The following ERVFRD-1 variants were observed in gnomAD, a reference collection of about 807,000 sequenced individuals.
The protein encoded by ERVFRD-1 is syncytin-2.
Under a neutral mutation model 43.8 loss-of-function variants are expected in ERVFRD-1, and 33 were observed. The ratio of observed to expected loss-of-function variants is 0.75; its 90% CI spans 0.57 to 1.01. The LOEUF is 1.01. ERVFRD-1 is among the 50% of genes least tolerant of loss of function. The pLI is 0.00. For synonymous variants in ERVFRD-1, 239 were observed against 244.4 expected, an observed-to-expected ratio of 0.98 and a Z score of 0.21; for missense variants, 568 against 658.4, an observed-to-expected ratio of 0.86 and a Z score of 1.50.
chr6:11,103,497 G>A lies in ERVFRD-1; in HGVS notation c.*197C>T, dbSNP rs555394480. Reference sequence around the variant, plus strand: ...GACCCAATTATCTGGGAAAATGGACGAAGGTCAGTCTTCTTTAACTGCTTC... The same window carrying A: ...GACCCAATTATCTGGGAAAATGGACAAAGGTCAGTCTTCTTTAACTGCTTC... On this transcript the variant is annotated 3_prime_UTR_variant, in exon 2 of 2. Transcript: ENST00000472091. 9.5e-6 allele frequency: 7 copies of A among 738,150 alleles called. No homozygotes were observed. The highest frequency in any genetic ancestry group is 3.2e-5 in the South Asian group (1 of 30,834). The allele number at this position is 738,150 out of a possible 1,614,324, so 45.7% of individuals were successfully genotyped here.
Position 11,103,305 on chromosome 6 carries a change from G to A in ERVFRD-1, c.*389C>T, listed in dbSNP as rs191248503. 59 of 182,014 alleles carry A rather than the reference G, an allele frequency of 3.2e-4. No homozygotes were observed. The highest frequency in any genetic ancestry group is 1.4e-3 in the African/African-American group (58 of 42,532). 11.3% of individuals were successfully genotyped at this position (182,014 alleles called of 1,614,324 possible). On this transcript the variant is annotated 3_prime_UTR_variant, in exon 2 of 2. Transcript: ENST00000472091. Reference sequence around the variant, plus strand: ...GTTTCCTATCTATTGGGAGGCCATCGTTCCCTGGCGCCAGCTGCCACTCAT... The same window carrying A: ...GTTTCCTATCTATTGGGAGGCCATCATTCCCTGGCGCCAGCTGCCACTCAT...
Position 11,104,811 on chromosome 6 carries a change from C to T in ERVFRD-1, c.500G>A (p.Arg167His), listed in dbSNP as rs140934168. 12 of 1,614,060 alleles carry T rather than the reference C, an allele frequency of 7.4e-6. No homozygotes were observed. Among genetic ancestry groups the T allele is most frequent in the Non-Finnish European group, 9.3e-6 (11 of 1,180,006 alleles). Residue 167 changes from arginine to histidine, a missense_variant, in exon 2 of 2, where the codon CGC (arginine) becomes CAC (histidine). Coordinates refer to ENST00000472091, the MANE Select transcript of ERVFRD-1 (RefSeq NM_207582.3). ...TYQTYTHNQF[R>H]HQPRFPKPPN... Reference sequence around the variant, plus strand: ...AGGTTTGGGGAATCTTGGTTGATGGCGGAATTGGTTGTGGGTGTATGTTTG... The same window carrying T: ...AGGTTTGGGGAATCTTGGTTGATGGTGGAATTGGTTGTGGGTGTATGTTTG...
intron 1 of ERVFRD-1, among the ~76,000 whole-genome samples, chr6:11,107,813 C>T (rs1758109296): frequency 6.6e-6 from 1 of 152,024 alleles, no homozygotes; most frequent in South Asian, 2.1e-4. Flanking sequence ...ATTAATAATC[C>T]ATGTTTTTGA....
intron 1 of ERVFRD-1, among the ~76,000 whole-genome samples, chr6:11,107,281 G>C (rs1263958720): frequency 6.6e-6 from 1 of 152,208 alleles, no homozygotes; most frequent in African/African-American, 2.4e-5. Context: ...TGTTACCTAT[G>C]GGTTTTCTAA....
chr6:11,107,209 G>A lies in ERVFRD-1; in HGVS notation c.-320-1579C>T, dbSNP rs183053593. Among the ~76,000 whole-genome samples the A allele has an allele frequency of 2.7e-3, 415 of 152,332 alleles. 2 individuals carry two copies. The highest frequency in any genetic ancestry group is 4.8e-3 in the Non-Finnish European group (328 of 68,024). ...TTAAGTATCTCACAACACAAATGTG[G>A]TGTTATGGTCTCCTGGTAGTGGCAG... On this transcript the variant is annotated intron_variant, in intron 1 of 1. Transcript: ENST00000472091.
rs976238949 is a variant in ERVFRD-1 at position 11,104,265 on chromosome 6, C to G, written c.1046G>C (p.Arg349Thr). The G allele has an allele frequency of 1.6e-5, 25 of 1,551,680 alleles. No homozygotes were observed. In the African/African-American group the frequency reaches 2.2e-4, roughly 14 times the overall value. Residue 349 changes from arginine to threonine, a missense_variant, in exon 2 of 2, where the codon AGG becomes ACG. By Grantham distance (71) the Arg-to-Thr change is moderately conservative. Coordinates refer to ENST00000472091, the MANE Select transcript of ERVFRD-1 (RefSeq NM_207582.3). ...IYGNSPLPRV[R>T]RAIHFIPLLA... ...AAGGGGAATGAAATGGATTGCCCTC[C>G]TCACCCTGGGCAACGGGGAATTCCC...
intron 1 of ERVFRD-1, among the ~76,000 whole-genome samples, chr6:11,111,169 C>T (rs576271868): frequency 1.3e-5 from 2 of 152,170 alleles, no homozygotes; most frequent in Non-Finnish European, 2.9e-5. Context: ...GCAAGAGCTG[C>T]GGGTGCATGA....
intron 1 of ERVFRD-1, among the ~76,000 whole-genome samples, chr6:11,111,081 C>T (rs941193750): frequency 3.9e-5 from 6 of 152,190 alleles, no homozygotes; most frequent in East Asian, 1.9e-4. Context: ...GGAGGTCATC[C>T]GAGCTGGTAG....
intron 1 of ERVFRD-1, among the ~76,000 whole-genome samples, chr6:11,108,162 G>A (rs1181021287): frequency 6.6e-6 from 1 of 152,136 alleles, no homozygotes; most frequent in Non-Finnish European, 1.5e-5. Context: ...GAGAAAAGAC[G>A]GTTTTCCCCC....
At chr6:11,110,627 C>A (rs1758152598) in intron 1 of ERVFRD-1, among the ~76,000 whole-genome samples, 2 of 152,116 alleles carry the variant, frequency 1.3e-5, no homozygotes, top group South Asian at 4.1e-4. Flanking sequence ...GGGTAACATG[C>A]AGAACAAATG....
Position 11,105,333 on chromosome 6 carries a change from A to G in ERVFRD-1, c.-23T>C, listed in dbSNP as rs773958330. On this transcript the variant is annotated 5_prime_UTR_variant, in exon 2 of 2. Coordinates refer to ENST00000472091, the MANE Select transcript of ERVFRD-1 (RefSeq NM_207582.3). ...CATGGTGACCTAAGAGAAACTGGTC[A>G]CAAAACGAGCTGCCAATGGAACTCC... 2.5e-6 allele frequency: 4 copies of G among 1,574,922 alleles called. No individual in the cohort carries two copies. In the African/African-American group the frequency reaches 4.1e-5, roughly 16 times the overall value.
At chr6:11,108,451 G>A (rs1020756709) in intron 1 of ERVFRD-1, among the ~76,000 whole-genome samples, 2 of 152,206 alleles carry the variant, frequency 1.3e-5, no homozygotes, top group Non-Finnish European at 2.9e-5. Context: ...AGCTTTCAGG[G>A]TAGTCCTGTT....
intron 1 of ERVFRD-1, among the ~76,000 whole-genome samples, chr6:11,111,085 C>G (rs1194450018): frequency 6.6e-6 from 1 of 152,178 alleles, no homozygotes; most frequent in Non-Finnish European, 1.5e-5. Flanking sequence ...GTCATCCGAG[C>G]TGGTAGGGTA....
In ERVFRD-1 at chr6:11,103,458, C is replaced by G. The variant is rs34937009; in HGVS notation, c.*236G>C. 0.11 allele frequency: 61,669 copies of G among 538,866 alleles called. 4,365 individuals carry two copies. Among genetic ancestry groups the G allele is most frequent in the Middle Eastern group, 0.15 (304 of 1,994 alleles). 33.4% of individuals were successfully genotyped at this position (538,866 alleles called of 1,614,324 possible). Reference sequence around the variant, plus strand: ...AGCTACCTGCTCCAACATTTCCCCCCCTCAAGAGTCCAAGACCCAATTATC... The same window carrying G: ...AGCTACCTGCTCCAACATTTCCCCCGCTCAAGAGTCCAAGACCCAATTATC... On this transcript the variant is annotated 3_prime_UTR_variant, in exon 2 of 2. Coordinates refer to ENST00000472091, the MANE Select transcript of ERVFRD-1 (RefSeq NM_207582.3).
At chr6:11,108,218 C>A (rs1187431090) in intron 1 of ERVFRD-1, among the ~76,000 whole-genome samples, 2 of 152,220 alleles carry the variant, frequency 1.3e-5, no homozygotes, top group African/African-American at 4.8e-5. Flanking sequence ...ACGGGCACTT[C>A]ATATCCTCCC....
In ERVFRD-1 at chr6:11,103,918, G is replaced by T. The variant is rs777849179; in HGVS notation, c.1393C>A (p.Arg465=). 3.9e-6 allele frequency: 6 copies of T among 1,551,520 alleles called. No individual in the cohort carries two copies. The South Asian group carries it at 7.1e-5, about 18-fold the overall frequency. Residue 465 remains arginine (R), a synonymous_variant, in exon 2 of 2, where the codon CGA becomes AGA. Coordinates refer to ENST00000472091, the MANE Select transcript of ERVFRD-1 (RefSeq NM_207582.3). ...CAATTTAACCAACCCTGAGTGGCTCGTTCCCGTAAACTGGAGGCTTGATTT... is the reference window on the plus strand; with the variant it reads ...CAATTTAACCAACCCTGAGTGGCTCTTTCCCGTAAACTGGAGGCTTGATTT... The part of the protein sequence containing the change: ...LLNQASSLRE[R]ATQGWLNWEG...
Position 11,102,534 on chromosome 6 carries a change from G to A in ERVFRD-1, c.*1160C>T, listed in dbSNP as rs1455112002. The A allele has an allele frequency of 6.6e-6, 1 of 152,226 alleles. No homozygotes were observed. Among genetic ancestry groups the A allele is most frequent in the African/African-American group, 2.4e-5 (1 of 41,462 alleles). 9.4% of individuals were successfully genotyped at this position (152,226 alleles called of 1,614,324 possible). Reference sequence around the variant, plus strand: ...TTTGAGCAAGGGTGATTCATGAACAGGCAGGGCCAAACTGCAAGCAACTGG... The same window carrying A: ...TTTGAGCAAGGGTGATTCATGAACAAGCAGGGCCAAACTGCAAGCAACTGG... On this transcript the variant is annotated 3_prime_UTR_variant, in exon 2 of 2. Coordinates refer to ENST00000472091, the MANE Select transcript of ERVFRD-1 (RefSeq NM_207582.3).
In ERVFRD-1 at chr6:11,103,775, G is replaced by A. The variant is rs1238306163; in HGVS notation, c.1536C>T (p.Ser512=). ...CLLNLITQFV[S]SRLQAIKLQT... is the part of the protein sequence containing the mutation. ...GGAGCTTTATGGCCTGAAGGCGAGAGGAGACAAATTGGGTTATTAGATTTA... is the reference window on the plus strand; with the variant it reads ...GGAGCTTTATGGCCTGAAGGCGAGAAGAGACAAATTGGGTTATTAGATTTA... The change falls in exon 2 of 2, where the codon TCC becomes TCT. Residue 512 remains serine (S), a synonymous_variant. Transcript: ENST00000472091. 6.4e-7 allele frequency: 1 copy of A among 1,551,704 alleles called. No individual in the cohort carries two copies. The highest frequency in any genetic ancestry group is 8.7e-7 in the Non-Finnish European group (1 of 1,146,982).
chr6:11,105,371 A>AG lies in ERVFRD-1; in HGVS notation c.-62dup. 7.8e-7 allele frequency: 1 copy of AG among 1,285,870 alleles called. No individual in the cohort carries two copies. The highest frequency in any genetic ancestry group is 1.1e-6 in the Non-Finnish European group (1 of 918,454). 79.7% of individuals were successfully genotyped at this position (1,285,870 alleles called of 1,614,324 possible). Reference sequence around the variant, plus strand: ...CCAATGGAACTCCTGGTGGTGTACAAGTTAGGGTTAAAATAGTGATAACAA... The same window carrying AG: ...CCAATGGAACTCCTGGTGGTGTACAAGGTTAGGGTTAAAATAGTGATAACAA... On this transcript the variant is annotated 5_prime_UTR_variant, in exon 2 of 2. Coordinates refer to ENST00000472091, the MANE Select transcript of ERVFRD-1 (RefSeq NM_207582.3).
Sources: allele counts gnomAD v4.1 joint callset (sites outside exome capture counted in the v4.1 genomes callset), GRCh38; gene constraint gnomAD v4.1.1; transcripts MANE v1.5; gene names NCBI Gene and HGNC (gene_info 2026-07-23, HGNC 2026-07-21).